Variants in WNT5B observed in about 807,000 individuals in gnomAD.
WNT5B encodes protein Wnt-5b.
WNT5B carries 18 observed loss-of-function variants against 36.5 expected under a neutral mutation model. That is an observed-to-expected ratio of 0.49 (90% CI 0.34 to 0.73). The LOEUF is 0.73. Ranked by LOEUF, WNT5B falls within the 30% of genes least tolerant of loss-of-function variation. WNT5B has a pLI of 0.01. For missense variants in WNT5B, 424 were observed against 508.4 expected (o/e 0.83, Z 1.60); for synonymous variants, 213 against 212.3 (o/e 1.00, Z -0.03).
In WNT5B at chr12:1,630,219, C is replaced by T; in HGVS notation, c.-58+848C>T. 1 of 985,326 alleles carries T rather than the reference C, an allele frequency of 1.0e-6. No individual in the cohort carries two copies. Among genetic ancestry groups the T allele is most frequent in the Non-Finnish European group, 1.2e-6 (1 of 829,904 alleles). 61.0% of individuals were successfully genotyped at this position (985,326 alleles called of 1,614,324 possible). ...GTGAGCCGGGGCGCGCGGGGCTGCG[C>T]TCGTCAGGTCCGGGGCCCCGGGGAG... On this transcript the variant is annotated intron_variant, in intron 1 of 4. Transcript: ENST00000397196. This position sits in a 1 kb window ranked among gnomAD's most constrained non-coding sequence, Gnocchi z 5.3.
chr12:1,635,103 A>G (rs1370458461), intron 3 of WNT5B, among the ~76,000 whole-genome samples: 1 of 152,200 alleles, frequency 6.6e-6, no homozygotes, highest in African/African-American at 2.4e-5. Context: ...GGCTTACCCA[A>G]GGGCCCAAAG....
At chr12:1,619,573 T>C (rs977038433) in intron 1 of WNT5B, among the ~76,000 whole-genome samples, 5 of 152,202 alleles carry the variant, frequency 3.3e-5, no homozygotes, top group Non-Finnish European at 7.3e-5. Context: ...AAAAATGTTT[T>C]TTGGGGAAGA....
chr12:1,624,013 GAT>G lies in WNT5B; in HGVS notation c.-58+6873_-58+6874del, dbSNP rs567029112. ...ATGTTTTGTAAACCTTGCTTTTTGT[GAT>G]ATCTCCTGCATATCAGAATGTTGTT... On this transcript the variant is annotated intron_variant, in intron 1 of 4. Transcript: ENST00000310594. Among the ~76,000 whole-genome samples the G allele has an allele frequency of 2.9e-3, 442 of 152,222 alleles. 1 individual carries two copies. Among genetic ancestry groups the G allele is most frequent in the Non-Finnish European group, 4.9e-3 (330 of 67,998 alleles).
At chr12:1,637,190 C>T (rs1238397783) in intron 3 of WNT5B, among the ~76,000 whole-genome samples, 1 of 152,142 alleles carries the variant, frequency 6.6e-6, no homozygotes, top group African/African-American at 2.4e-5. Flanking sequence ...ATGGATAATA[C>T]CACATTTTGA....
At chr12:1,645,179 T>G (rs957709534) in intron 4 of WNT5B, 1 of 152,376 alleles carries the variant, frequency 6.6e-6, no homozygotes, top group Non-Finnish European at 1.5e-5. Context: ...ACAATTGGAT[T>G]CTTTTTTCTG....
rs771500550 is a variant in WNT5B at position 1,623,187 on chromosome 12, G to GTTTTTTTTTTTTTTTT, written c.-58+6055_-58+6070dup. Among the ~76,000 whole-genome samples the GTTTTTTTTTTTTTTTT allele has an allele frequency of 9.5e-3, 555 of 58,378 alleles. 169 individuals are homozygous for GTTTTTTTTTTTTTTTT. The highest frequency in any genetic ancestry group is 0.011 in the Non-Finnish European group (343 of 31,506). The allele number at this position is 58,378 out of a possible 152,430, so 38.3% of individuals were successfully genotyped here. A position where few individuals can be genotyped will look rare whatever the true frequency, so the allele number is the denominator to read the frequency against. Reference sequence around the variant, plus strand: ...GGAAACCTTTGAAGGGTTTTTTGTTGTTTTTTTTTTTTTTTTTTTTTTTTT... The same window carrying GTTTTTTTTTTTTTTTT: ...GGAAACCTTTGAAGGGTTTTTTGTTGTTTTTTTTTTTTTTTTTTTTTTTTTTTTTTTTTTTTTTTTT... On this transcript the variant is annotated intron_variant, in intron 1 of 4. Coordinates refer to the WNT5B transcript ENST00000310594.
Position 1,632,599 on chromosome 12 carries a change from CACA to C in WNT5B, c.81-58_81-56del. ...GTGTTGAATGAATGACTTAATGCTG[CACA>C]CAGGCGTATGCTCACTCCTGGGCCT... On this transcript the variant is annotated intron_variant, in intron 2 of 4. Transcript: ENST00000397196. The surrounding 1 kb of genome is among the most constrained non-coding windows in gnomAD (Gnocchi z 5.8). 6.5e-7 allele frequency: 1 copy of C among 1,539,292 alleles called. No individual in the cohort carries two copies. Among genetic ancestry groups the C allele is most frequent in the Admixed American group, 2.0e-5 (1 of 51,096 alleles).
chr12:1,638,642 G>A lies in WNT5B; in HGVS notation c.329-1042G>A, dbSNP rs529540186. Among the ~76,000 whole-genome samples the A allele has an allele frequency of 9.2e-5, 14 of 152,322 alleles. No individual in the cohort carries two copies. In the East Asian group the frequency reaches 2.5e-3, roughly 27 times the overall value. ...TGAGGTGGTTCACCACAGCAGTAAA[G>A]GGGAACATAGTTGGGATTTTCTGCT... On this transcript the variant is annotated intron_variant, in intron 3 of 4. Transcript: ENST00000397196.
chr12:1,628,797 C>T (rs926918913), upstream of WNT5B, among the ~76,000 whole-genome samples: 1 of 151,988 alleles, frequency 6.6e-6, no homozygotes, highest in African/African-American at 2.4e-5. Flanking sequence ...CCCCAGCCCA[C>T]CCCAGCACAA....
In WNT5B at chr12:1,645,824, A is replaced by G; in HGVS notation, c.652A>G (p.Lys218Glu). 1 of 1,599,482 alleles carries G rather than the reference A, an allele frequency of 6.3e-7. No homozygotes were observed. Among genetic ancestry groups the G allele is most frequent in the Non-Finnish European group, 8.5e-7 (1 of 1,171,138 alleles). ...GTATAAGATGGCAGACGTAGCCTGC[A>G]AATGCCACGGCGTCTCGGGGTCCTG... ...AVYKMADVAC[K>E]CHGVSGSCSL... The change falls in exon 5 of 5, where the codon AAA (lysine) becomes GAA (glutamate). Residue 218 changes from lysine to glutamate, a missense_variant. Transcript: ENST00000397196.
intron 4 of WNT5B, among the ~76,000 whole-genome samples, chr12:1,642,190 C>T (rs2094576687): frequency 6.6e-6 from 1 of 152,160 alleles, no homozygotes; most frequent in African/African-American, 2.4e-5. Context: ...GTGGAGCCAC[C>T]CGGTCTCTCA....
chr12:1,638,792 A>G (rs2094567088), intron 3 of WNT5B, among the ~76,000 whole-genome samples: 2 of 152,182 alleles, frequency 1.3e-5, no homozygotes. Flanking sequence ...AGAGGAAGAC[A>G]GCTTGGATTT....
chr12:1,619,391 A>T (rs142269902), intron 1 of WNT5B, among the ~76,000 whole-genome samples: 1 of 152,342 alleles, frequency 6.6e-6, no homozygotes, highest in African/African-American at 2.4e-5. Flanking sequence ...AGAACTAGAG[A>T]GAAACCTAGA....
intron 1 of WNT5B, among the ~76,000 whole-genome samples, chr12:1,621,785 TCCTCCCATCCCGG>T (rs2154439270): frequency 1.3e-5 from 2 of 151,224 alleles, no homozygotes; most frequent in South Asian, 4.2e-4. Flanking sequence ...CCTCGAGTGA[TCCTCCCATCCCGG>T]CCTCCCAAAG....
chr12:1,641,530 C>T (rs1338878790), intron 4 of WNT5B, among the ~76,000 whole-genome samples: 6 of 152,184 alleles, frequency 3.9e-5, no homozygotes, highest in African/African-American at 1.2e-4. Flanking sequence ...AGGCGGGGCA[C>T]GGTGGCTGAT....
upstream of WNT5B, among the ~76,000 whole-genome samples, chr12:1,628,349 GC>G (rs577667588): frequency 1.6e-4 from 24 of 152,260 alleles, no homozygotes; most frequent in South Asian, 4.8e-3. Flanking sequence ...TTACAGGTGA[GC>G]TTTCACCATG....
At chr12:1,626,430 A>G (rs780852409), upstream of WNT5B, among the ~76,000 whole-genome samples, 1 of 150,460 alleles carries the variant, frequency 6.6e-6, no homozygotes, top group Non-Finnish European at 1.5e-5. Flanking sequence ...TGCCTGGCTA[A>G]TTTTGTATTT....
At chr12:1,637,862 T>C (rs925075271) in intron 3 of WNT5B, among the ~76,000 whole-genome samples, 9 of 151,980 alleles carry the variant, frequency 5.9e-5, no homozygotes, top group African/African-American at 2.2e-4. Context: ...TGCTAAAAAA[T>C]GCTGACACAG....
At chr12:1,628,945 G>A (rs28384801), upstream of WNT5B, among the ~76,000 whole-genome samples, 250 of 152,018 alleles carry the variant, frequency 1.6e-3, 5 homozygotes, top group East Asian at 0.039. Context: ...GCACGCGCGC[G>A]TGCATATGTG....
Sources: allele counts gnomAD v4.1 joint callset (sites outside exome capture counted in the v4.1 genomes callset), GRCh38; gene constraint gnomAD v4.1.1; non-coding constraint Gnocchi (gnomAD v3.1); transcripts MANE v1.5; gene names NCBI Gene and HGNC (gene_info 2026-07-23, HGNC 2026-07-21).